ADGRB3: variants seen among roughly 807,000 people sequenced by gnomAD.
The protein encoded by ADGRB3 is brain-specific angiogenesis inhibitor 3.
ADGRB3 carries 37 observed loss-of-function variants against 193.4 expected under a neutral mutation model. The ratio of observed to expected loss-of-function variants is 0.19; its 90% CI spans 0.15 to 0.25. The LOEUF is 0.25. Ranked by LOEUF, ADGRB3 falls within the 10% of genes least tolerant of loss-of-function variation. The pLI, the probability that ADGRB3 is intolerant of heterozygous loss-of-function variation, is 1.00. For missense variants in ADGRB3, 1,637 were observed against 1,852.9 expected, an observed-to-expected ratio of 0.88 and a Z score of 2.14; for synonymous variants, 690 against 644.2, an observed-to-expected ratio of 1.07 and a Z score of -1.08.
intron 3 of ADGRB3, among the ~76,000 whole-genome samples, chr6:68,790,816 G>A (rs907484611): frequency 2.6e-5 from 4 of 152,090 alleles, no homozygotes; most frequent in African/African-American, 9.7e-5. Context: ...ACCAATGGTA[G>A]ATAAAACCAC....
At chr6:69,255,552 T>C (rs1470964664) in intron 20 of ADGRB3, among the ~76,000 whole-genome samples, 1 of 152,198 alleles carries the variant, frequency 6.6e-6, no homozygotes, top group Non-Finnish European at 1.5e-5. Flanking sequence ...AGGGGTTGTT[T>C]GTTTTTTTCT....
At position 68,943,966 on chromosome 6, in the gene ADGRB3, T is replaced by C. The variant is rs774970282; in HGVS notation, c.1167T>C (p.His389=). ...CGTGTGAAGGACCTGAAACACATCA[T>C]AAGCCTTGTAATATTGCTCTTTGCC... ...GRPCEGPETH[H]KPCNIALCPV... is the part of the protein sequence containing the mutation. The change falls in exon 6 of 32, where the codon CAT becomes CAC. Residue 389 remains histidine (H), a synonymous_variant. Transcript: ENST00000370598. 4 of 1,613,014 alleles carry C rather than the reference T, an allele frequency of 2.5e-6. No homozygotes were observed. The highest frequency in any genetic ancestry group is 1.7e-5 in the Admixed American group (1 of 59,960).
intron 17 of ADGRB3, among the ~76,000 whole-genome samples, chr6:69,200,857 G>GT (rs879543402): frequency 3.3e-5 from 5 of 152,126 alleles, no homozygotes; most frequent in African/African-American, 4.8e-5. Context: ...AGGCAAAGAA[G>GT]TTTTTTTTAA....
intron 15 of ADGRB3, among the ~76,000 whole-genome samples, chr6:69,052,434 T>C (rs1335753989): frequency 1.3e-5 from 2 of 152,226 alleles, no homozygotes; most frequent in Non-Finnish European, 2.9e-5. Context: ...TATTCCTTGT[T>C]GAGGATTTTA....
At chr6:68,944,063 A>G (rs1767708900) in intron 6 of ADGRB3, 69 bp downstream of exon 6, 3 of 1,463,740 alleles carry the variant, frequency 2.0e-6, no homozygotes, top group African/African-American at 2.8e-5. Flanking sequence ...TGTACACAAG[A>G]AATATTAAGA....
chr6:68,794,329 C>G (rs1767166472), intron 3 of ADGRB3, among the ~76,000 whole-genome samples: 1 of 151,764 alleles, frequency 6.6e-6, no homozygotes, highest in Non-Finnish European at 1.5e-5. Flanking sequence ...AAAATACACA[C>G]TTTACATATA....
rs1206163416 is a variant in ADGRB3 at position 69,361,372 on chromosome 6, C to G, written c.4099C>G (p.Leu1367Val). The stretch of plus-strand genomic sequence containing the variant: ...GTTCAATATGAACTTAGAGCAACAT[C>G]TCGCACCCCAGGAACATATGCAGAA... ...DQFNMNLEQH[L>V]APQEHMQNLP... The change falls in exon 29 of 32, where the codon CTC (leucine) becomes GTC (valine). Residue 1367 changes from leucine (L) to valine (V), a missense_variant. Leu to Val is a conservative substitution (Grantham distance 32, BLOSUM62 1). Around this residue, in one of 7 missense-constraint regions of ADGRB3, gnomAD observed 368 missense variants for 367.4 expected, o/e 1.00. Transcript: ENST00000370598. The G allele has an allele frequency of 6.2e-7, 1 of 1,613,038 alleles. No individual in the cohort carries two copies. The highest frequency in any genetic ancestry group is 8.5e-7 in the Non-Finnish European group (1 of 1,179,260).
At position 69,386,992 on chromosome 6, in the gene ADGRB3, C is replaced by G. The variant is rs556143886; in HGVS notation, c.4381-1711C>G. ...TTATTAAATTCTCCAGGCATCATTC[C>G]AGGTTACCCCACTTTTTTATTTTTG... On this transcript the variant is annotated intron_variant, in intron 31 of 31. Coordinates refer to ENST00000370598, the MANE Select transcript of ADGRB3 (RefSeq NM_001704.3). Among the ~76,000 whole-genome samples, 3 of 152,152 alleles carry G rather than the reference C, an allele frequency of 2.0e-5. No individual in the cohort carries two copies. The East Asian group carries it at 5.8e-4, about 29-fold the overall frequency.
intron 3 of ADGRB3, among the ~76,000 whole-genome samples, chr6:68,747,903 T>TG (rs1030082353): frequency 1.3e-4 from 20 of 152,030 alleles, no homozygotes; most frequent in East Asian, 9.6e-4. Context: ...CCATATGGCT[T>TG]GGGGGGGCCT....
At chr6:69,259,695 C>CAAAAAAAAAA (rs397887907) in intron 20 of ADGRB3, among the ~76,000 whole-genome samples, 4 of 76,150 alleles carry the variant, frequency 5.3e-5, no homozygotes, top group African/African-American at 1.9e-4. Flanking sequence ...GACTCTGTCT[C>CAAAAAAAAAA]AAAAAAAAAA....
chr6:68,993,535 A>C (rs980793326), intron 10 of ADGRB3, among the ~76,000 whole-genome samples: 11 of 152,158 alleles, frequency 7.2e-5, no homozygotes, highest in Admixed American at 7.2e-4. Context: ...TCTAACTAGA[A>C]ATGGCAAGTT....
chr6:69,096,247 T>C (rs1473073312), intron 17 of ADGRB3, among the ~76,000 whole-genome samples: 1 of 152,158 alleles, frequency 6.6e-6, no homozygotes, highest in Non-Finnish European at 1.5e-5. Flanking sequence ...ACCATTTTTA[T>C]ATTGTGATGC....
At chr6:68,767,373 AG>A (rs1766529694) in intron 3 of ADGRB3, among the ~76,000 whole-genome samples, 1 of 152,212 alleles carries the variant, frequency 6.6e-6, no homozygotes, top group Non-Finnish European at 1.5e-5. Context: ...CTGGGATGCA[AG>A]GCTGGTTCAA....
intron 3 of ADGRB3, among the ~76,000 whole-genome samples, chr6:68,690,932 T>G (rs1466135186): frequency 6.6e-6 from 1 of 152,170 alleles, no homozygotes; most frequent in African/African-American, 2.4e-5. Flanking sequence ...CAAATAACTT[T>G]TAAGGAATTC....
chr6:69,158,200 A>AT (rs533009815), intron 17 of ADGRB3, among the ~76,000 whole-genome samples: 316 of 151,844 alleles, frequency 2.1e-3, no homozygotes, highest in African/African-American at 6.8e-3. Context: ...TTAGTTAGAC[A>AT]TTTTTTTTAT....
In ADGRB3 at chr6:68,697,574, T is replaced by C. The variant is rs899936414; in HGVS notation, c.757+58142T>C. Among the ~76,000 whole-genome samples the C allele has an allele frequency of 9.9e-5, 15 of 152,074 alleles. 1 individual carries two copies. The highest frequency in any genetic ancestry group is 2.1e-4 in the Non-Finnish European group (14 of 67,908). On this transcript the variant is annotated intron_variant, in intron 3 of 31. Transcript: ENST00000370598. Reference sequence around the variant, plus strand: ...TTTCAATCAGTCTAATGGAGTGACCTAGCTACTTGGTTCTGTATAATGATG... The same window carrying C: ...TTTCAATCAGTCTAATGGAGTGACCCAGCTACTTGGTTCTGTATAATGATG...
chr6:69,156,387 G>A (rs1774840881), intron 17 of ADGRB3, among the ~76,000 whole-genome samples: 1 of 152,174 alleles, frequency 6.6e-6, no homozygotes, highest in African/African-American at 2.4e-5. Flanking sequence ...TGATGAGAAG[G>A]AGCCCTGTGA....
At chr6:69,050,187 T>A (rs1771352318) in intron 15 of ADGRB3, among the ~76,000 whole-genome samples, 1 of 152,022 alleles carries the variant, frequency 6.6e-6, no homozygotes, top group Non-Finnish European at 1.5e-5. Flanking sequence ...ACAAAACAAA[T>A]AGTCTAATAA....
chr6:69,324,779 G>A, intron 20 of ADGRB3, 93 bp from the exon 21 acceptor site: 4 of 1,364,014 alleles, frequency 2.9e-6, no homozygotes, highest in South Asian at 2.8e-5. Flanking sequence ...TGAAATAAAA[G>A]CAATGAATCA....
Sources: gnomAD v4.1 joint callset for allele counts (sites outside exome capture counted in the v4.1 genomes callset) on GRCh38, gnomAD v4.1.1 for gene constraint, gnomAD v4.1.1 regional missense constraint, MANE v1.5 for transcripts, NCBI Gene and HGNC (gene_info 2026-07-23, HGNC 2026-07-21) for gene names.